The following GRK4 variants were observed in gnomAD, a reference collection of about 807,000 sequenced individuals.
GRK4 encodes the protein G protein-coupled receptor kinase 2-like.
In GRK4, 73 loss-of-function variants were observed where a neutral mutation model predicts 77.9. That is an observed-to-expected ratio of 0.94 (90% confidence interval 0.78 to 1.14). GRK4 has a LOEUF of 1.14. Among genes scored for constraint, GRK4 ranks in the 50% most tolerant of loss-of-function variants. The probability of loss-of-function intolerance (pLI) is 0.00; values close to 1 mark genes in which losing one functional copy is unlikely to be tolerated. For missense variants in GRK4, 729 were observed against 700.2 expected (o/e 1.04, Z -0.46); for synonymous variants, 257 against 254.4 (o/e 1.01, Z -0.10).
chr4:3,032,624 C>T (rs1274043036), intron 12 of GRK4, among the ~76,000 whole-genome samples: 1 of 152,084 alleles, frequency 6.6e-6, no homozygotes, highest in Non-Finnish European at 1.5e-5. Context: ...GAAGCTCTAG[C>T]TTTGAAGTTA....
intron 1 of GRK4, among the ~76,000 whole-genome samples, chr4:2,967,679 G>A (rs1718153159): frequency 1.3e-5 from 2 of 152,132 alleles, no homozygotes; most frequent in Admixed American, 6.5e-5. Context: ...GATTACAGGC[G>A]TGAGCCACTG....
At chr4:2,995,613 G>A (rs1019839988) in intron 4 of GRK4, among the ~76,000 whole-genome samples, 2 of 151,836 alleles carry the variant, frequency 1.3e-5, no homozygotes, top group Non-Finnish European at 2.9e-5. Flanking sequence ...CCTGGGAGGC[G>A]GAGGTTGCAG....
intron 1 of GRK4, among the ~76,000 whole-genome samples, chr4:2,972,112 G>A (rs1719735919): frequency 1.3e-5 from 2 of 152,296 alleles, no homozygotes; most frequent in South Asian, 4.1e-4. Context: ...AGCCCATAGA[G>A]GGGATCCTTG....
chr4:3,040,475 A>C (rs1742097014), intron 15 of GRK4, 97 bp from the exon 16 acceptor site: 1 of 828,990 alleles, frequency 1.2e-6, no homozygotes, highest in Admixed American at 3.0e-5. Flanking sequence ...ATAAAAAAGC[A>C]CCCCCCACCC....
intron 6 of GRK4, among the ~76,000 whole-genome samples, chr4:3,009,377 G>A (rs936994716): frequency 2.0e-5 from 3 of 147,770 alleles, no homozygotes; most frequent in African/African-American, 5.0e-5. Flanking sequence ...AGCCTAGATC[G>A]TGCCACTGCA....
chr4:3,013,886 G>A (rs1246274495), intron 8 of GRK4, 58 bp downstream of exon 8: 20 of 1,505,484 alleles, frequency 1.3e-5, no homozygotes, highest in Non-Finnish European at 1.8e-5. Flanking sequence ...ACTTTTGTCA[G>A]CCGACATGCC....
chr4:2,983,012 T>C (rs1234964492), intron 1 of GRK4, among the ~76,000 whole-genome samples: 1 of 152,256 alleles, frequency 6.6e-6, no homozygotes, highest in Non-Finnish European at 1.5e-5. Flanking sequence ...CCAGGTGCTC[T>C]GGACATCTTG....
intron 4 of GRK4, among the ~76,000 whole-genome samples, chr4:3,001,201 A>G (rs940458643): frequency 7.4e-6 from 1 of 135,420 alleles, no homozygotes. Flanking sequence ...ATATGTATAT[A>G]TGTGTATGTG....
intron 4 of GRK4, among the ~76,000 whole-genome samples, chr4:2,999,723 GC>G (rs1428241746): frequency 6.6e-6 from 1 of 152,078 alleles, no homozygotes; most frequent in Non-Finnish European, 1.5e-5. Context: ...TTGAAATTAG[GC>G]AGTGACTTCT....
chr4:3,031,884 C>A (rs901524108), intron 12 of GRK4, among the ~76,000 whole-genome samples: 1 of 152,284 alleles, frequency 6.6e-6, no homozygotes, highest in African/African-American at 2.4e-5. Context: ...GCATTCCTAG[C>A]AGCTGTGCCT....
intron 7 of GRK4, among the ~76,000 whole-genome samples, chr4:3,010,849 C>T (rs997327832): frequency 6.6e-6 from 1 of 152,152 alleles, no homozygotes; most frequent in South Asian, 2.1e-4. Flanking sequence ...TAGGAGGCAG[C>T]ACACTGCACC....
At chr4:3,038,599 T>A in intron 15 of GRK4, 86 bp downstream of exon 15, 1 of 1,471,700 alleles carries the variant, frequency 6.8e-7, no homozygotes, top group Non-Finnish European at 9.2e-7. Flanking sequence ...CCTGGTACTT[T>A]TTCTGTTTGC....
At chr4:3,025,549 C>T (rs1167276076) in intron 10 of GRK4, among the ~76,000 whole-genome samples, 1 of 151,426 alleles carries the variant, frequency 6.6e-6, no homozygotes, top group Non-Finnish European at 1.5e-5. Context: ...GCCACCACGC[C>T]CGGCTAATTT....
chr4:3,031,040 A>T (rs1378911295), intron 12 of GRK4, among the ~76,000 whole-genome samples: 1 of 152,136 alleles, frequency 6.6e-6, no homozygotes, highest in Non-Finnish European at 1.5e-5. Context: ...CCGCTGTCAG[A>T]TTCAGGATGG....
In GRK4 at chr4:3,037,488, G is replaced by A. The variant is rs1159390143; in HGVS notation, c.1522G>A (p.Val508Ile). Reference protein sequence around the residue: ...DFYARFATGCVSIPWQNEMIE... With the variant: ...DFYARFATGCISIPWQNEMIE... ...CTATGCTCGGTTTGCTACCGGGTGTGTCTCCATCCCCTGGCAGAATGAGGT... is the reference window on the plus strand; with the variant it reads ...CTATGCTCGGTTTGCTACCGGGTGTATCTCCATCCCCTGGCAGAATGAGGT... Residue 508 changes from valine (V) to isoleucine (I), a missense_variant, in exon 14 of 16, where the codon GTC (valine) becomes ATC (isoleucine). Coordinates refer to ENST00000398052, the MANE Select transcript of GRK4 (RefSeq NM_182982.3). 4.4e-6 allele frequency: 7 copies of A among 1,607,650 alleles called. No homozygotes were observed. The highest frequency in any genetic ancestry group is 3.3e-5 in the Admixed American group (2 of 59,904).
Position 2,992,874 on chromosome 4 carries a change from C to T in GRK4, c.339+582C>T, listed in dbSNP as rs1229413721. ...TGGCGTGCACCTGTGTTCTCAGCTA[C>T]TTGGGAGGCTCAGGTGGGAGGACTG... On this transcript the variant is annotated intron_variant, in intron 4 of 15. Transcript: ENST00000398052. Among the ~76,000 whole-genome samples, 3 of 151,822 alleles carry T rather than the reference C, an allele frequency of 2.0e-5. No individual in the cohort carries two copies. The East Asian group carries it at 5.8e-4, about 29-fold the overall frequency.
chr4:2,995,183 T>A (rs1414323122), intron 4 of GRK4, among the ~76,000 whole-genome samples: 1 of 152,208 alleles, frequency 6.6e-6, no homozygotes, highest in Non-Finnish European at 1.5e-5. Context: ...CGGTTTATCA[T>A]TGATGGGCAT....
At chr4:3,026,734 C>T (rs1250759759) in intron 10 of GRK4, among the ~76,000 whole-genome samples, 3 of 152,328 alleles carry the variant, frequency 2.0e-5, no homozygotes, top group South Asian at 2.1e-4. Flanking sequence ...AGGGTGGGCG[C>T]GCAGCAAGGG....
intron 1 of GRK4, among the ~76,000 whole-genome samples, chr4:2,979,420 A>AAC (rs1553875553): frequency 6.7e-6 from 1 of 149,668 alleles, no homozygotes; most frequent in Admixed American, 6.6e-5. Flanking sequence ...AAAAAAAAAA[A>AAC]AAAAAAGAGT....
Sources: allele counts gnomAD v4.1 joint callset (sites outside exome capture counted in the v4.1 genomes callset), GRCh38; gene constraint gnomAD v4.1.1; transcripts MANE v1.5; gene names NCBI Gene and HGNC (gene_info 2026-07-23, HGNC 2026-07-21).